Variants in REPS2 observed in about 807,000 individuals in gnomAD.
REPS2 encodes RALBP1 associated Eps domain containing 2.
A neutral mutation model predicts 53.6 loss-of-function variants in REPS2; 23 were observed. The observed-to-expected ratio is 0.43, with a 90% CI of 0.31 to 0.61. REPS2 has a LOEUF of 0.61. Among genes scored for constraint, REPS2 ranks in the 20% least tolerant of loss-of-function variants. The pLI is 0.11. For missense variants in REPS2, 446 were observed against 534.9 expected (o/e 0.83, Z 1.64); for synonymous variants, 238 against 218.6 (o/e 1.09, Z -0.78).
chrX:17,054,801 C>G lies in REPS2; in HGVS notation c.972-7C>G. 8.3e-7 allele frequency: 1 copy of G among 1,209,511 alleles called. No individual in the cohort carries two copies. The highest frequency in any genetic ancestry group is 1.1e-6 in the Non-Finnish European group (1 of 894,361). ...TGGTAGGTACTCATGACATTTGTTT[C>G]ATTTAGGGAGCTTAGTGATGCTGAC... On this transcript the variant is annotated splice_polypyrimidine_tract_variant and splice_region_variant and intron_variant, in intron 7 of 17. Transcript: ENST00000357277.
At chrX:17,141,754 A>G (rs1366057184) in intron 17 of REPS2, among the ~76,000 whole-genome samples, 1 of 112,449 alleles carries the variant, frequency 8.9e-6, no homozygotes, top group Admixed American at 9.4e-5. Context: ...CTGACTAATT[A>G]TGTTGTCCAC....
At chrX:16,962,372 G>T (rs755095229) in intron 1 of REPS2, among the ~76,000 whole-genome samples, 1 of 109,851 alleles carries the variant, frequency 9.1e-6, no homozygotes, top group Non-Finnish European at 1.9e-5. Context: ...CATGCTATTT[G>T]TGACAACATG....
chrX:16,949,050 C>T (rs2060475178), intron 1 of REPS2, among the ~76,000 whole-genome samples: 2 of 96,455 alleles, frequency 2.1e-5, no homozygotes, highest in Admixed American at 2.4e-4. Flanking sequence ...CAGCAGACAC[C>T]TAATTTTCAC....
At position 17,147,760 on chromosome X, in the gene REPS2, CA is replaced by C. The variant is rs1378390362; in HGVS notation, c.*284del. ...CAAGGTATTAGATGCTGCTCCTTACCAAAAATCAGTCTTCTAGCAAATAAAA... is the reference window on the plus strand; with the variant it reads ...CAAGGTATTAGATGCTGCTCCTTACCAAAATCAGTCTTCTAGCAAATAAAA... On this transcript the variant is annotated 3_prime_UTR_variant, in exon 18 of 18. Coordinates refer to ENST00000357277, the MANE Select transcript of REPS2 (RefSeq NM_004726.3). 4.3e-6 allele frequency: 1 copy of C among 232,222 alleles called. No individual in the cohort carries two copies. Among genetic ancestry groups the C allele is most frequent in the African/African-American group, 2.9e-5 (1 of 34,867 alleles). 19.1% of individuals were successfully genotyped at this position (232,222 alleles called of 1,213,427 possible).
intron 8 of REPS2, among the ~76,000 whole-genome samples, chrX:17,057,408 A>T (rs2062085325): frequency 1.8e-5 from 2 of 112,811 alleles, no homozygotes; most frequent in South Asian, 7.3e-4. Context: ...GGCTGCTGCT[A>T]AGTGACAGGT....
the REPS2 span, among the ~76,000 whole-genome samples, chrX:17,193,841 G>A: frequency 2.7e-5 from 3 of 111,365 alleles, no homozygotes; most frequent in East Asian, 2.8e-4. Flanking sequence ...TATTTGGTTC[G>A]TCAATGACCC....
At chrX:16,951,552 CACACACA>C (rs1204820809) in intron 1 of REPS2, among the ~76,000 whole-genome samples, 885 of 31,576 alleles carry the variant, frequency 0.028, 30 homozygotes, top group Admixed American at 0.13. Context: ...CACACACACA[CACACACA>C]CCCCCGCTAC....
chrX:17,017,192 G>A (rs1771963492), intron 2 of REPS2, among the ~76,000 whole-genome samples: 1 of 110,994 alleles, frequency 9.0e-6, no homozygotes. Context: ...CACTGGTCTC[G>A]AACTTCTGAG....
intron 1 of REPS2, among the ~76,000 whole-genome samples, chrX:16,960,308 A>G (rs2060643903): frequency 9.0e-6 from 1 of 111,547 alleles, no homozygotes; most frequent in African/African-American, 3.3e-5. Flanking sequence ...TTGAGGCTGC[A>G]GTGAGCACTG....
intron 13 of REPS2, among the ~76,000 whole-genome samples, chrX:17,081,536 A>T (rs777805753): frequency 1.6e-4 from 18 of 112,705 alleles, no homozygotes; most frequent in Admixed American, 1.5e-3. Flanking sequence ...TAGAATGTAA[A>T]TCTATAAAAA....
chrX:17,000,015 C>G (rs2061285342), intron 1 of REPS2, among the ~76,000 whole-genome samples: 1 of 94,582 alleles, frequency 1.1e-5, no homozygotes, highest in Admixed American at 1.1e-4. Flanking sequence ...CCACTGCACT[C>G]CAGCCTGGGC....
At chrX:17,169,589 G>A in the REPS2 span, among the ~76,000 whole-genome samples, 1 of 111,754 alleles carries the variant, frequency 8.9e-6, no homozygotes, top group African/African-American at 3.3e-5. Flanking sequence ...GGCTGAGGTG[G>A]GAGGATTGCT....
the REPS2 span, among the ~76,000 whole-genome samples, chrX:17,174,831 A>G: frequency 8.9e-6 from 1 of 112,594 alleles, no homozygotes. Context: ...CTATTTTTCT[A>G]GAAGCCAAAG....
At chrX:17,170,864 G>T in the REPS2 span, among the ~76,000 whole-genome samples, 1 of 112,902 alleles carries the variant, frequency 8.9e-6, no homozygotes, top group Non-Finnish European at 1.9e-5. Flanking sequence ...TTGGCACTTT[G>T]GAGCTGTGGC....
intron 1 of REPS2, among the ~76,000 whole-genome samples, chrX:16,995,806 G>A (rs1241725846): frequency 1.8e-5 from 2 of 111,856 alleles, no homozygotes; most frequent in African/African-American, 6.5e-5. Context: ...GCTGGAGAAG[G>A]GCCCTTCCAC....
At chrX:16,975,501 G>C in intron 1 of REPS2, among the ~76,000 whole-genome samples, 1 of 110,682 alleles carries the variant, frequency 9.0e-6, no homozygotes, top group East Asian at 2.8e-4. Context: ...CTGCTCGTTA[G>C]CCACGTGTAT....
intron 1 of REPS2, among the ~76,000 whole-genome samples, chrX:16,977,716 T>TAAA (rs67498814): frequency 1.3e-5 from 1 of 78,255 alleles, no homozygotes; most frequent in Non-Finnish European, 2.4e-5. Context: ...ACCCTGTCTC[T>TAAA]AAAAAAAAAA....
chrX:17,066,983 C>T (rs1276788611), intron 9 of REPS2, among the ~76,000 whole-genome samples: 2 of 112,431 alleles, frequency 1.8e-5, no homozygotes, highest in African/African-American at 3.2e-5. Context: ...TATTGCTTAT[C>T]TCTCTGGGGT....
intron 13 of REPS2, among the ~76,000 whole-genome samples, chrX:17,087,716 C>T (rs59126384): frequency 0.021 from 2,348 of 111,114 alleles, 67 homozygotes; most frequent in African/African-American, 0.071. Context: ...GGGTGGATCA[C>T]CTGAGGTCAG....
Sources: allele counts gnomAD v4.1 joint callset (sites outside exome capture counted in the v4.1 genomes callset), GRCh38; gene constraint gnomAD v4.1.1; transcripts MANE v1.5; gene names NCBI Gene and HGNC (gene_info 2026-07-23, HGNC 2026-07-21).